The following ATL3 variants were observed in gnomAD, a reference collection of about 807,000 sequenced individuals.
ATL3 encodes the protein atlastin-3.
In ATL3, 49 loss-of-function variants were observed where a neutral mutation model predicts 69.5. The ratio of observed to expected loss-of-function variants is 0.71; its 90% CI spans 0.56 to 0.89. The LOEUF (loss-of-function observed/expected upper bound fraction) is 0.89. Among genes scored for constraint, ATL3 ranks in the 40% least tolerant of loss-of-function variants. The pLI is 0.00. For missense variants in ATL3, 606 were observed against 645.7 expected, an observed-to-expected ratio of 0.94 and a Z score of 0.67; for synonymous variants, 214 against 224.1, an observed-to-expected ratio of 0.95 and a Z score of 0.40.
At chr11:63,666,690 A>G in intron 1 of ATL3, among the ~76,000 whole-genome samples, 1 of 149,152 alleles carries the variant, frequency 6.7e-6, no homozygotes, top group East Asian at 2.2e-4. Flanking sequence ...GATTACAGGC[A>G]TGAGCCACCG....
chr11:63,642,280 A>C (rs1939724293), intron 8 of ATL3, among the ~76,000 whole-genome samples: 1 of 152,246 alleles, frequency 6.6e-6, no homozygotes, highest in South Asian at 2.1e-4. Context: ...TAAAAGTATC[A>C]GAGAAGTGAC....
At chr11:63,663,947 TC>T (rs1417538821) in intron 1 of ATL3, among the ~76,000 whole-genome samples, 3 of 152,124 alleles carry the variant, frequency 2.0e-5, no homozygotes, top group Non-Finnish European at 4.4e-5. Flanking sequence ...TCAGGCATTT[TC>T]CCCCTGCTTG....
intron 5 of ATL3, among the ~76,000 whole-genome samples, chr11:63,649,498 T>C (rs1939999422): frequency 6.6e-6 from 1 of 152,158 alleles, no homozygotes; most frequent in African/African-American, 2.4e-5. Context: ...TCTGGAATTT[T>C]TGTATATAGT....
Position 63,627,457 on chromosome 11 carries a change from TG to T in ATL3, c.*1861del, listed in dbSNP as rs1444949884. ...TTTAGGACTTACAAAAATACTTCAG[TG>T]GTAAAGTGTCAAAAGAAAATTCTTT... On this transcript the variant is annotated 3_prime_UTR_variant, in exon 13 of 13. Coordinates refer to ENST00000398868, the MANE Select transcript of ATL3 (RefSeq NM_015459.5). 6.6e-6 allele frequency: 1 copy of T among 152,158 alleles called. No homozygotes were observed. Among genetic ancestry groups the T allele is most frequent in the African/African-American group, 2.4e-5 (1 of 41,434 alleles). The allele number at this position is 152,158 out of a possible 1,614,324, so 9.4% of individuals were successfully genotyped here. A position where few individuals can be genotyped will look rare whatever the true frequency, so the allele number is the denominator to read the frequency against.
At chr11:63,667,574 C>T (rs946618186) in intron 1 of ATL3, among the ~76,000 whole-genome samples, 5 of 151,888 alleles carry the variant, frequency 3.3e-5, no homozygotes, top group African/African-American at 1.2e-4. Flanking sequence ...CCAGCCTGAC[C>T]GATATAGTGG....
chr11:63,635,598 TATAAAC>T lies in ATL3; in HGVS notation c.979-14_979-9del. On this transcript the variant is annotated splice_polypyrimidine_tract_variant and intron_variant, in intron 9 of 12. Transcript: ENST00000398868. ...ATAAATTTTAATATATGCCTTAAAA[TATAAAC>T]ATAAAAACTGCTATAAAATGTTATT... is the stretch of plus-strand genomic sequence containing the variant. 1 of 1,589,864 alleles carries T rather than the reference TATAAAC, an allele frequency of 6.3e-7. No homozygotes were observed. Among genetic ancestry groups the T allele is most frequent in the South Asian group, 1.1e-5 (1 of 90,088 alleles).
At chr11:63,647,823 T>C (rs367611617) in intron 5 of ATL3, among the ~76,000 whole-genome samples, 1 of 152,208 alleles carries the variant, frequency 6.6e-6, no homozygotes, top group African/African-American at 2.4e-5. Context: ...GTCAAAAACA[T>C]TCTGGATGGA....
intron 5 of ATL3, among the ~76,000 whole-genome samples, chr11:63,651,528 G>A (rs1360814769): frequency 6.6e-6 from 1 of 152,034 alleles, no homozygotes; most frequent in Non-Finnish European, 1.5e-5. Context: ...AAAAGACCCA[G>A]AATGAGTGGG....
Position 63,659,631 on chromosome 11 carries a change from A to T in ATL3, c.47-379T>A, listed in dbSNP as rs982024710. Among the ~76,000 whole-genome samples the T allele has an allele frequency of 4.6e-4, 70 of 151,900 alleles. 4 individuals are homozygous for T. The highest frequency in any genetic ancestry group is 4.4e-5 in the Non-Finnish European group (3 of 67,978). On this transcript the variant is annotated intron_variant, in intron 1 of 12. Transcript: ENST00000398868. ...AAACTAAACAAAACAAAAAACGGAC[A>T]CAAAAATACTAACCATAAAAGGGCA...
chr11:63,634,073 G>A (rs1208494551), intron 10 of ATL3, among the ~76,000 whole-genome samples: 2 of 150,054 alleles, frequency 1.3e-5, no homozygotes, highest in African/African-American at 4.9e-5. Context: ...AAAGCCGGGT[G>A]TGGTGGCTTA....
rs771821416 is a variant in ATL3, at chr11:63,659,267, A to AG, written c.47-16dup. ...CATGGCATCATCTATGTTCATGCAG[A>AG]GAAAAAAAATCAGTGTCAAATATTT... On this transcript the variant is annotated splice_polypyrimidine_tract_variant and intron_variant, in intron 1 of 12. Coordinates refer to ENST00000398868, the MANE Select transcript of ATL3 (RefSeq NM_015459.5). 6 of 1,608,540 alleles carry AG rather than the reference A, an allele frequency of 3.7e-6. No homozygotes were observed. The highest frequency in any genetic ancestry group is 5.1e-6 in the Non-Finnish European group (6 of 1,176,338).
At chr11:63,668,488 G>C (rs896413178) in intron 1 of ATL3, among the ~76,000 whole-genome samples, 2 of 152,162 alleles carry the variant, frequency 1.3e-5, no homozygotes, top group Non-Finnish European at 2.9e-5. Flanking sequence ...AGAATACTGG[G>C]CAAATTTTAT....
chr11:63,667,879 C>T (rs556672754), intron 1 of ATL3, among the ~76,000 whole-genome samples: 3 of 152,090 alleles, frequency 2.0e-5, no homozygotes, highest in East Asian at 1.9e-4. Context: ...GCACTACAGG[C>T]TATTGAGCAG....
chr11:63,661,481 C>T (rs576860348), intron 1 of ATL3, among the ~76,000 whole-genome samples: 2 of 152,250 alleles, frequency 1.3e-5, no homozygotes, highest in South Asian at 2.1e-4. Flanking sequence ...ACAGCATCCA[C>T]GCCTGTAATC....
chr11:63,624,794 G>C lies in ATL3; in HGVS notation c.*4525C>G, dbSNP rs2134449766. The C allele has an allele frequency of 6.6e-6, 1 of 152,268 alleles. No homozygotes were observed. Among genetic ancestry groups the C allele is most frequent in the Admixed American group, 6.5e-5 (1 of 15,294 alleles). The allele number at this position is 152,268 out of a possible 1,614,324, so 9.4% of individuals were successfully genotyped here. On this transcript the variant is annotated 3_prime_UTR_variant, in exon 13 of 13. Coordinates refer to ENST00000398868, the MANE Select transcript of ATL3 (RefSeq NM_015459.5). ...AATTAAAGGCATTCTTACTACTTCTGAACACAGAAAACGCCTGGGGATTGT... is the reference window on the plus strand; with the variant it reads ...AATTAAAGGCATTCTTACTACTTCTCAACACAGAAAACGCCTGGGGATTGT...
chr11:63,651,222 C>G (rs1298981846), intron 5 of ATL3, among the ~76,000 whole-genome samples: 2 of 151,824 alleles, frequency 1.3e-5, no homozygotes, highest in South Asian at 4.2e-4. Context: ...TTTGGGAGGC[C>G]GAGGCAGGCG....
chr11:63,643,127 T>C (rs906111117), intron 8 of ATL3, among the ~76,000 whole-genome samples: 2 of 152,250 alleles, frequency 1.3e-5, no homozygotes, highest in African/African-American at 4.8e-5. Flanking sequence ...TGAGTCTCTT[T>C]AGAAAGACTA....
intron 1 of ATL3, among the ~76,000 whole-genome samples, chr11:63,661,793 G>A (rs779179873): frequency 7.2e-5 from 11 of 152,002 alleles, no homozygotes; most frequent in Non-Finnish European, 1.0e-4. Flanking sequence ...GGAGGCTGAG[G>A]CAGGAGAATC....
intron 9 of ATL3, among the ~76,000 whole-genome samples, chr11:63,635,954 T>A (rs914417505): frequency 6.7e-6 from 1 of 148,978 alleles, no homozygotes; most frequent in African/African-American, 2.5e-5. Context: ...ACCATCTTCC[T>A]TGAGGAACAA....
Sources: allele counts gnomAD v4.1 joint callset (sites outside exome capture counted in the v4.1 genomes callset), GRCh38; gene constraint gnomAD v4.1.1; transcripts MANE v1.5; gene names NCBI Gene and HGNC (gene_info 2026-07-23, HGNC 2026-07-21).